ZFHX3: variants seen among roughly 807,000 people sequenced by gnomAD.
ZFHX3 encodes zinc finger homeobox protein 3.
Under a neutral mutation model 279.1 loss-of-function variants are expected in ZFHX3, and 42 were observed. That is an observed-to-expected ratio of 0.15 (90% CI 0.12 to 0.19). The LOEUF (loss-of-function observed/expected upper bound fraction) is 0.19. Among genes scored for constraint, ZFHX3 ranks in the 10% least tolerant of loss-of-function variants. The probability of loss-of-function intolerance (pLI) is 1.00; values close to 1 mark genes in which losing one functional copy is unlikely to be tolerated. For synonymous variants in ZFHX3, 2,293 were observed against 1,957.8 expected (o/e 1.17, Z -4.52); for missense variants, 4,981 against 4,754.0 (o/e 1.05, Z -1.40).
chr16:73,333,057 C>T (rs2015836417), intron 3 of ZFHX3, among the ~76,000 whole-genome samples: 1 of 152,028 alleles, frequency 6.6e-6, no homozygotes, highest in African/African-American at 2.4e-5. Flanking sequence ...ACTTACTACA[C>T]AGTTTTAGGA....
At chr16:73,843,391 A>C (rs1031370553) in intron 1 of ZFHX3, among the ~76,000 whole-genome samples, 1 of 152,234 alleles carries the variant, frequency 6.6e-6, no homozygotes, top group Admixed American at 6.5e-5. Flanking sequence ...AAAGAAATTC[A>C]GGAAGAACTA....
intron 2 of ZFHX3, among the ~76,000 whole-genome samples, chr16:73,515,390 C>G (rs952157106): frequency 1.3e-5 from 2 of 151,162 alleles, no homozygotes; most frequent in African/African-American, 4.9e-5. Flanking sequence ...TGTGGTAGGG[C>G]TTAAACTAGG....
chr16:73,034,132 T>G (rs1409436007), intron 1 of ZFHX3, among the ~76,000 whole-genome samples: 1 of 152,030 alleles, frequency 6.6e-6, no homozygotes, highest in South Asian at 2.1e-4. Context: ...ATGGGACTGC[T>G]TGCCTCCATT....
At chr16:73,589,911 C>G (rs1328045561) in intron 2 of ZFHX3, among the ~76,000 whole-genome samples, 2 of 152,058 alleles carry the variant, frequency 1.3e-5, no homozygotes, top group Non-Finnish European at 1.5e-5. Context: ...GAAACATTAT[C>G]TCTCAGAGAA....
intron 7 of ZFHX3, among the ~76,000 whole-genome samples, chr16:73,104,070 T>C (rs962591309): frequency 5.3e-5 from 8 of 151,960 alleles, no homozygotes; most frequent in African/African-American, 1.2e-4. Flanking sequence ...TAAATTGACA[T>C]GTTAGGTTAT....
intron 1 of ZFHX3, among the ~76,000 whole-genome samples, chr16:73,721,602 T>C (rs2053474312): frequency 6.6e-6 from 1 of 152,164 alleles, no homozygotes; most frequent in African/African-American, 2.4e-5. Flanking sequence ...TGCCCACCCA[T>C]GCACCATCTG....
At chr16:73,359,215 G>A (rs1315747803) in intron 3 of ZFHX3, among the ~76,000 whole-genome samples, 2 of 147,952 alleles carry the variant, frequency 1.4e-5, no homozygotes, top group Admixed American at 1.4e-4. Flanking sequence ...AAAAGGGATA[G>A]ACTCCCCTGG....
rs1231926967 is a variant in ZFHX3 at position 72,862,267 on chromosome 16, G to A, written c.3448+27464C>T. Reference sequence around the variant, plus strand: ...TGCCACCCACCTCAGCCCTCCCTAGGACACCAATTGCACTGGCCTACCTTC... The same window carrying A: ...TGCCACCCACCTCAGCCCTCCCTAGAACACCAATTGCACTGGCCTACCTTC... On this transcript the variant is annotated intron_variant, in intron 4 of 9. Coordinates refer to ENST00000268489, the MANE Select transcript of ZFHX3 (RefSeq NM_006885.4). 2.0e-5 allele frequency among the ~76,000 whole-genome samples: 3 copies of A among 152,132 alleles called. No individual in the cohort carries two copies. In the East Asian group the frequency reaches 5.8e-4, roughly 29 times the overall value.
At chr16:73,780,506 G>A (rs1262810690) in intron 1 of ZFHX3, among the ~76,000 whole-genome samples, 1 of 151,290 alleles carries the variant, frequency 6.6e-6, no homozygotes, top group African/African-American at 2.4e-5. Context: ...ACAGTGGCAT[G>A]ATCACGGCTC....
chr16:73,677,250 C>A (rs964518680), intron 2 of ZFHX3, among the ~76,000 whole-genome samples: 1 of 151,658 alleles, frequency 6.6e-6, no homozygotes. Flanking sequence ...GTCATAAAAT[C>A]AACCACTTTA....
chr16:73,451,316 A>G (rs536465580), intron 3 of ZFHX3, among the ~76,000 whole-genome samples: 4 of 152,322 alleles, frequency 2.6e-5, no homozygotes, highest in Non-Finnish European at 5.9e-5. Flanking sequence ...AAGGGCAACT[A>G]AGAATCGAGA....
chr16:73,138,302 C>T (rs1397264830), intron 6 of ZFHX3, among the ~76,000 whole-genome samples: 3 of 152,128 alleles, frequency 2.0e-5, no homozygotes, highest in Admixed American at 2.0e-4. Context: ...CCTACTTTTA[C>T]CCAAAGAAGT....
chr16:73,006,961 T>C (rs542856591), intron 1 of ZFHX3, among the ~76,000 whole-genome samples: 202 of 152,348 alleles, frequency 1.3e-3, no homozygotes, highest in African/African-American at 4.7e-3. Flanking sequence ...AGTCCACAGG[T>C]CCTTTACATG....
chr16:73,142,281 T>C (rs759305497), intron 6 of ZFHX3, among the ~76,000 whole-genome samples: 11 of 152,224 alleles, frequency 7.2e-5, no homozygotes, highest in Non-Finnish European at 1.2e-4. Context: ...TAAGTCCTTG[T>C]TAAAGGTCAG....
intron 2 of ZFHX3, among the ~76,000 whole-genome samples, chr16:73,640,631 G>C (rs1463186369): frequency 6.6e-6 from 1 of 152,066 alleles, no homozygotes; most frequent in Non-Finnish European, 1.5e-5. Flanking sequence ...AGATAAAATT[G>C]AAGAAGTTTC....
chr16:73,832,864 C>T (rs1230302776), intron 1 of ZFHX3, among the ~76,000 whole-genome samples: 1 of 152,090 alleles, frequency 6.6e-6, no homozygotes, highest in Admixed American at 6.5e-5. Flanking sequence ...CACAAATTAT[C>T]TTCATCACAG....
intron 1 of ZFHX3, among the ~76,000 whole-genome samples, chr16:73,784,071 G>C (rs1339925848): frequency 6.6e-6 from 1 of 152,060 alleles, no homozygotes; most frequent in Non-Finnish European, 1.5e-5. Flanking sequence ...AAAATGGTGA[G>C]GGCAGCAAAT....
intron 7 of ZFHX3, chr16:73,099,249 G>C (rs1430956206): frequency 2.0e-5 from 3 of 152,178 alleles, no homozygotes; most frequent in Non-Finnish European, 4.4e-5. Context: ...TTATCTATGT[G>C]TTCACAGAAC....
At chr16:73,250,028 G>A (rs1057297383) in intron 5 of ZFHX3, among the ~76,000 whole-genome samples, 2 of 152,214 alleles carry the variant, frequency 1.3e-5, no homozygotes, top group East Asian at 3.8e-4. Context: ...TCATACTTCA[G>A]TGTTGTCTAT....
Sources: allele counts gnomAD v4.1 joint callset (sites outside exome capture counted in the v4.1 genomes callset), GRCh38; gene constraint gnomAD v4.1.1; transcripts MANE v1.5; gene names NCBI Gene and HGNC (gene_info 2026-07-23, HGNC 2026-07-21).